BMP4: variants seen among roughly 807,000 people sequenced by gnomAD.
BMP4 encodes bone morphogenetic protein 4, also known as bone morphogenetic protein 2B.
In BMP4, 3 loss-of-function variants were observed where a neutral mutation model predicts 29.6. The ratio of observed to expected loss-of-function variants is 0.10; its 90% CI spans 0.05 to 0.26. The LOEUF is 0.26. Ranked by LOEUF, BMP4 falls within the 10% of genes least tolerant of loss-of-function variation. The probability of loss-of-function intolerance (pLI) is 1.00; values close to 1 mark genes in which losing one functional copy is unlikely to be tolerated. For missense variants in BMP4, 455 were observed against 550.2 expected (o/e 0.83, Z 1.73); for synonymous variants, 197 against 213.2 (o/e 0.92, Z 0.66).
Position 53,955,025 on chromosome 14 carries a change from T to A in BMP4, c.-133+1525A>T, listed in dbSNP as rs1427679772. 6.6e-6 allele frequency among the ~76,000 whole-genome samples: 1 copy of A among 152,072 alleles called. No homozygotes were observed. Among genetic ancestry groups the A allele is most frequent in the African/African-American group, 2.4e-5 (1 of 41,414 alleles). On this transcript the variant is annotated intron_variant, in intron 1 of 3. Coordinates refer to ENST00000245451, the MANE Select transcript of BMP4 (RefSeq NM_001202.6). The surrounding 1 kb of genome is among the most constrained non-coding windows in gnomAD (Gnocchi z 4.0). ...GCCCGGAGTCGACCAACACCTCAGG[T>A]CCGGGTGCGGAGGCCGCGGGCGCCC... is the stretch of plus-strand genomic sequence containing the variant.
chr14:53,950,384 C>G lies in BMP4; in HGVS notation c.875G>C (p.Arg292Pro). The G allele has an allele frequency of 1.2e-6, 2 of 1,613,800 alleles. No individual in the cohort carries two copies. The highest frequency in any genetic ancestry group is 1.7e-6 in the Non-Finnish European group (2 of 1,179,804). Residue 292 changes from arginine to proline, a missense_variant, in exon 4 of 4, where the codon CGT (arginine) becomes CCT (proline). Around this residue, in one of 4 missense-constraint regions of BMP4, gnomAD observed 154 missense variants for 156.8 expected, o/e 0.98. Transcript: ENST00000245451. The surrounding 1 kb of genome is among the most constrained non-coding windows in gnomAD (Gnocchi z 5.4). ...CCGCTGTGAGTGATGCTTAGGGCTA[C>G]GCTTGGCCCTCCGGCGTCGGGTCAA... Reference protein sequence around the residue: ...HALTRRRRAKRSPKHHSQRAR... With the variant: ...HALTRRRRAKPSPKHHSQRAR...
At chr14:53,951,827 C>G (rs746756115) in intron 3 of BMP4, 26 bp downstream of exon 3, 3 of 1,598,048 alleles carry the variant, frequency 1.9e-6, no homozygotes, top group East Asian at 2.2e-5. Flanking sequence ...AGCCCTCCCC[C>G]ACGCAGACTG....
At position 53,949,962 on chromosome 14, in the gene BMP4, G is replaced by A. The variant is rs990106703; in HGVS notation, c.*70C>T. 21 of 1,502,968 alleles carry A rather than the reference G, an allele frequency of 1.4e-5. No individual in the cohort carries two copies. Among genetic ancestry groups the A allele is most frequent in the African/African-American group, 2.8e-5 (2 of 71,888 alleles). 93.1% of individuals were successfully genotyped at this position (1,502,968 alleles called of 1,614,324 possible). ...AGTGTGTGGGTGAGTGGATGGGAAC[G>A]TGTGTGTGTGGTGTATGTGGTGTGT... On this transcript the variant is annotated 3_prime_UTR_variant, in exon 4 of 4. Coordinates refer to ENST00000245451, the MANE Select transcript of BMP4 (RefSeq NM_001202.6).
Position 53,950,537 on chromosome 14 carries a change from A to T in BMP4, c.722T>A (p.Leu241His), listed in dbSNP as rs1895336036. The part of the protein sequence containing the change: ...NYGLAIEVTH[L>H]HQTRTHQGQH... ...GCCCTGGTGGGTCCGAGTCTGATGGAGGTGAGTCACCTCAATGGCTAGCCC... is the reference window on the plus strand; with the variant it reads ...GCCCTGGTGGGTCCGAGTCTGATGGTGGTGAGTCACCTCAATGGCTAGCCC... The change falls in exon 4 of 4, where the codon CTC becomes CAC. Residue 241 changes from leucine to histidine, a missense_variant. Around this residue, in one of 4 missense-constraint regions of BMP4, gnomAD observed 154 missense variants for 156.8 expected, o/e 0.98. Coordinates refer to ENST00000245451, the MANE Select transcript of BMP4 (RefSeq NM_001202.6). The surrounding 1 kb of genome is among the most constrained non-coding windows in gnomAD (Gnocchi z 5.4). 21 of 1,614,066 alleles carry T rather than the reference A, an allele frequency of 1.3e-5. No individual in the cohort carries two copies. In the East Asian group the frequency reaches 4.7e-4, roughly 36 times the overall value.
At position 53,950,299 on chromosome 14, in the gene BMP4, C is replaced by T. The variant is rs1487544720; in HGVS notation, c.960G>A (p.Val320=). ...RHSLYVDFSD[V]GWNDWIVAPP... is the part of the protein sequence containing the mutation. The stretch of plus-strand genomic sequence containing the variant: ...GGGCCACAATCCAGTCATTCCAGCC[C>T]ACATCGCTGAAGTCCACATAGAGCG... Residue 320 remains valine (V), a synonymous_variant, in exon 4 of 4, where the codon GTG becomes GTA. Transcript: ENST00000245451. This position sits in a 1 kb window ranked among gnomAD's most constrained non-coding sequence, Gnocchi z 5.4. 6.2e-7 allele frequency: 1 copy of T among 1,614,106 alleles called. No homozygotes were observed. The highest frequency in any genetic ancestry group is 8.5e-7 in the Non-Finnish European group (1 of 1,180,058).
chr14:53,956,731 C>G lies in BMP4; in HGVS notation c.-314G>C. 2.5e-6 allele frequency: 1 copy of G among 399,252 alleles called. No homozygotes were observed. The highest frequency in any genetic ancestry group is 4.4e-6 in the Non-Finnish European group (1 of 226,260). 24.7% of individuals were successfully genotyped at this position (399,252 alleles called of 1,614,324 possible). A position where few individuals can be genotyped will look rare whatever the true frequency, so the allele number is the denominator to read the frequency against. Reference sequence around the variant, plus strand: ...GAGCAGCAGCGGCGTCTCAGGCTCGCGTCCCTCAGCTCGGATGCCACACTC... The same window carrying G: ...GAGCAGCAGCGGCGTCTCAGGCTCGGGTCCCTCAGCTCGGATGCCACACTC... On this transcript the variant is annotated 5_prime_UTR_variant, in exon 1 of 4. Transcript: ENST00000245451.
intron 1 of BMP4, among the ~76,000 whole-genome samples, chr14:53,953,696 C>G (rs1334670714): frequency 1.3e-5 from 2 of 152,006 alleles, no homozygotes; most frequent in Non-Finnish European, 2.9e-5. Context: ...ACTGGCGCAG[C>G]GCACGGAGAA....
Position 53,954,952 on chromosome 14 carries a change from A to G in BMP4, c.-132-1552T>C, listed in dbSNP as rs1895651256. ...GGCATTGGCAGGTAGACTTTGAGGA[A>G]GAAAAGTAAAGGATCGAACAGCTCA... On this transcript the variant is annotated intron_variant, in intron 1 of 3. Transcript: ENST00000245451. The surrounding 1 kb of genome is among the most constrained non-coding windows in gnomAD (Gnocchi z 4.8). 6.6e-6 allele frequency among the ~76,000 whole-genome samples: 1 copy of G among 152,188 alleles called. No homozygotes were observed. The highest frequency in any genetic ancestry group is 1.5e-5 in the Non-Finnish European group (1 of 68,024).
At position 53,955,356 on chromosome 14, in the gene BMP4, TA is replaced by T. The variant is rs1052798579; in HGVS notation, c.-133+1193del. On this transcript the variant is annotated intron_variant, in intron 1 of 3. Transcript: ENST00000245451. This position sits in a 1 kb window ranked among gnomAD's most constrained non-coding sequence, Gnocchi z 4.0. ...GAGCGCGGTTCTAAAACCGAGAGGA[TA>T]GGAAGGGGAAGGGGGAGTTGTGTTT... The T allele has an allele frequency of 7.2e-5, 11 of 152,056 alleles. No homozygotes were observed. Among genetic ancestry groups the T allele is most frequent in the African/African-American group, 2.4e-4 (10 of 41,488 alleles). The allele number at this position is 152,056 out of a possible 1,614,324, so 9.4% of individuals were successfully genotyped here. A position where few individuals can be genotyped will look rare whatever the true frequency, so the allele number is the denominator to read the frequency against.
rs1895739730 is a variant in BMP4 at position 53,956,824 on chromosome 14, C to T, written c.-407G>A. 1 of 398,088 alleles carries T rather than the reference C, an allele frequency of 2.5e-6. No individual in the cohort carries two copies. The highest frequency in any genetic ancestry group is 4.4e-5 in the Admixed American group (1 of 22,666). 24.7% of individuals were successfully genotyped at this position (398,088 alleles called of 1,614,324 possible). A position where few individuals can be genotyped will look rare whatever the true frequency, so the allele number is the denominator to read the frequency against. On this transcript the variant is annotated 5_prime_UTR_variant, in exon 1 of 4. Transcript: ENST00000245451. ...CTCCTCCTCTGCCTTCTCGCATCTT[C>T]CTTCCTCCTCTTTCCCTCCCTCGCT...
intron 1 of BMP4, among the ~76,000 whole-genome samples, chr14:53,956,174 G>T (rs534539419): frequency 6.6e-5 from 10 of 152,138 alleles, no homozygotes; most frequent in Non-Finnish European, 8.8e-5. Context: ...CCTCAGAGCC[G>T]GTTCTCTCCT....
chr14:53,952,575 A>G (rs1441455093), intron 2 of BMP4, among the ~76,000 whole-genome samples: 1 of 152,092 alleles, frequency 6.6e-6, no homozygotes, highest in African/African-American at 2.4e-5. Context: ...TAAACAGTTA[A>G]CATTGAGGGG....
rs202159001 is a variant in BMP4 at position 53,951,919 on chromosome 14, T to C, written c.304A>G (p.Thr102Ala). ...GGGCGCTCAGGATACTCAAGACCAGTGCTGTGGATCTGCTCTTCCTCCTCC... is the reference window on the plus strand; with the variant it reads ...GGGCGCTCAGGATACTCAAGACCAGCGCTGTGGATCTGCTCTTCCTCCTCC... ...GEEEEEQIHS[T>A]GLEYPERPAS... The change falls in exon 3 of 4, where the codon ACT becomes GCT. Residue 102 changes from threonine (T) to alanine (A), a missense_variant. Physicochemically the swap from Thr to Ala is moderately conservative, Grantham distance 58. This residue lies in a region of BMP4 where 249 missense variants were observed against 284.6 expected (regional missense o/e 0.87). Coordinates refer to ENST00000245451, the MANE Select transcript of BMP4 (RefSeq NM_001202.6). The C allele has an allele frequency of 1.9e-5, 30 of 1,604,382 alleles. No individual in the cohort carries two copies. The East Asian group carries it at 2.2e-4, about 12-fold the overall frequency.
At position 53,951,973 on chromosome 14, in the gene BMP4, G is replaced by GCATGTAGTCCGGAATGAC. The variant is rs1267295962; in HGVS notation, c.232_249dup (p.Val78_Met83dup). The GCATGTAGTCCGGAATGAC allele has an allele frequency of 6.2e-7, 1 of 1,612,470 alleles. No individual in the cohort carries two copies. The highest frequency in any genetic ancestry group is 2.2e-5 in the East Asian group (1 of 44,880). On this transcript the variant is annotated inframe_insertion, in exon 3 of 4. Coordinates refer to ENST00000245451, the MANE Select transcript of BMP4 (RefSeq NM_001202.6). The stretch of plus-strand genomic sequence containing the variant: ...CCAGACTGAAGCCGGTAAAGATCCC[G>GCATGTAGTCCGGAATGAC]CATGTAGTCCGGAATGACGGCACTC...
In BMP4 at chr14:53,951,778, T is replaced by G. The variant is rs757977627; in HGVS notation, c.370+75A>C. On this transcript the variant is annotated intron_variant, in intron 3 of 3. Transcript: ENST00000245451. ...GGCTTTGATGTAACCCGAACTCTTC[T>G]TCCCCAGGGCTTTCACTGCCCCTCT... The G allele has an allele frequency of 2.6e-6, 4 of 1,563,610 alleles. No individual in the cohort carries two copies. The Admixed American group carries it at 7.1e-5, about 28-fold the overall frequency.
At chr14:53,952,418 C>T (rs912995545) in intron 2 of BMP4, among the ~76,000 whole-genome samples, 189 bp from the exon 3 acceptor site, 5 of 151,754 alleles carry the variant, frequency 3.3e-5, no homozygotes, top group Non-Finnish European at 7.4e-5. Context: ...CAGCCATGCA[C>T]GGCCTGAAAG....
intron 2 of BMP4, 138 bp from the exon 3 acceptor site, chr14:53,952,367 T>C: frequency 1.8e-6 from 2 of 1,120,482 alleles, no homozygotes; most frequent in South Asian, 3.2e-5. Flanking sequence ...AAGATCAAGT[T>C]TGTGTCTTCT....
At position 53,955,703 on chromosome 14, in the gene BMP4, C is replaced by A. The variant is rs1895690393; in HGVS notation, c.-133+847G>T. 6.6e-6 allele frequency: 1 copy of A among 152,208 alleles called. No individual in the cohort carries two copies. The highest frequency in any genetic ancestry group is 2.1e-4 in the South Asian group (1 of 4,832). 9.4% of individuals were successfully genotyped at this position (152,208 alleles called of 1,614,324 possible). On this transcript the variant is annotated intron_variant, in intron 1 of 3. Coordinates refer to ENST00000245451, the MANE Select transcript of BMP4 (RefSeq NM_001202.6). The surrounding 1 kb of genome is among the most constrained non-coding windows in gnomAD (Gnocchi z 4.0). ...GGCCTCTAAGGCCCCCGGACCAACTCCCGCTGGAAGAAGCCTGCAGGGACT... is the reference window on the plus strand; with the variant it reads ...GGCCTCTAAGGCCCCCGGACCAACTACCGCTGGAAGAAGCCTGCAGGGACT...
Position 53,950,886 on chromosome 14 carries a change from G to C in BMP4, c.373C>G (p.His125Asp), listed in dbSNP as rs781409191. The change falls in exon 4 of 4, where the codon CAT becomes GAT. Residue 125 changes from histidine (H) to aspartate (D), a missense_variant and splice_region_variant. Transcript: ENST00000245451. The surrounding 1 kb of genome is among the most constrained non-coding windows in gnomAD (Gnocchi z 5.4). ...CTGGTCCCTGGGATGTTCTCCAGAT[G>C]TTCTAGGCACAGTTAGGAAGGAAGG... ...NTVRSFHHEE[H>D]LENIPGTSEN... 1.2e-6 allele frequency: 2 copies of C among 1,601,700 alleles called. No homozygotes were observed. The highest frequency in any genetic ancestry group is 3.3e-5 in the Admixed American group (2 of 59,998).
Sources: allele counts gnomAD v4.1 joint callset (sites outside exome capture counted in the v4.1 genomes callset), GRCh38; gene constraint gnomAD v4.1.1; regional missense constraint gnomAD v4.1.1; non-coding constraint Gnocchi (gnomAD v3.1); transcripts MANE v1.5; gene names NCBI Gene and HGNC (gene_info 2026-07-23, HGNC 2026-07-21).